The following FGF12 variants were observed in gnomAD, a reference collection of about 807,000 sequenced individuals.
FGF12 encodes the protein fibroblast growth factor 12, also known as fibroblast growth factor 12B.
Under a neutral mutation model 23.6 loss-of-function variants are expected in FGF12, and 14 were observed. The observed-to-expected ratio is 0.59, with a 90% CI of 0.39 to 0.93. The LOEUF is 0.93. Ranked by LOEUF, FGF12 falls within the 40% of genes least tolerant of loss-of-function variation. The pLI is 0.00. For missense variants in FGF12, 175 were observed against 217.8 expected, an observed-to-expected ratio of 0.80 and a Z score of 1.24; for synonymous variants, 62 against 77.3, an observed-to-expected ratio of 0.80 and a Z score of 1.04.
At chr3:192,541,144 A>G (rs966326241) in intron 2 of FGF12, among the ~76,000 whole-genome samples, 6 of 152,110 alleles carry the variant, frequency 3.9e-5, no homozygotes, top group African/African-American at 1.4e-4. Flanking sequence ...TTGATAAGCA[A>G]GGACTTACCC....
intron 2 of FGF12, among the ~76,000 whole-genome samples, chr3:192,394,071 A>G (rs2108764289): frequency 6.6e-6 from 1 of 152,246 alleles, no homozygotes; most frequent in South Asian, 2.1e-4. Context: ...ACATTAACCT[A>G]CCCAGAAATA....
intron 2 of FGF12, among the ~76,000 whole-genome samples, chr3:192,493,371 G>C (rs1299031698): frequency 6.6e-6 from 1 of 152,118 alleles, no homozygotes. Flanking sequence ...TAACTAAGTG[G>C]CCCATAAATT....
intron 2 of FGF12, among the ~76,000 whole-genome samples, chr3:192,686,022 T>C (rs1008531873): frequency 6.6e-6 from 1 of 152,164 alleles, no homozygotes; most frequent in Admixed American, 6.5e-5. Flanking sequence ...CAATCAGGGA[T>C]GTTGTGAAGA....
At chr3:192,371,672 C>T (rs539222504) in intron 2 of FGF12, among the ~76,000 whole-genome samples, 1 of 152,240 alleles carries the variant, frequency 6.6e-6, no homozygotes, top group African/African-American at 2.4e-5. Flanking sequence ...TTAACAAATG[C>T]CAGGCACTTT....
intron 3 of FGF12, among the ~76,000 whole-genome samples, chr3:192,339,146 G>A (rs947819288): frequency 1.3e-5 from 2 of 152,106 alleles, no homozygotes; most frequent in African/African-American, 4.8e-5. Flanking sequence ...ATCAGTAAAC[G>A]ATTTGAAACG....
chr3:192,617,178 A>G (rs1714788734), intron 2 of FGF12, among the ~76,000 whole-genome samples: 1 of 152,092 alleles, frequency 6.6e-6, no homozygotes, highest in Non-Finnish European at 1.5e-5. Flanking sequence ...TCTTGGCACC[A>G]ACTGATTTCT....
At chr3:192,165,270 T>G (rs897619998) in intron 5 of FGF12, among the ~76,000 whole-genome samples, 3 of 151,606 alleles carry the variant, frequency 2.0e-5, no homozygotes, top group Non-Finnish European at 4.4e-5. Context: ...TCTATTTAAA[T>G]GTAAGTTATG....
At chr3:192,592,430 G>C (rs1432786168) in intron 2 of FGF12, among the ~76,000 whole-genome samples, 1 of 151,798 alleles carries the variant, frequency 6.6e-6, no homozygotes, top group Non-Finnish European at 1.5e-5. Context: ...TTTGCAAACT[G>C]TGTCCTCCTG....
chr3:192,253,136 A>T (rs757142339), intron 4 of FGF12, among the ~76,000 whole-genome samples: 1 of 152,096 alleles, frequency 6.6e-6, no homozygotes, highest in Non-Finnish European at 1.5e-5. Context: ...CTGGATGAGG[A>T]GATATGGTTT....
chr3:192,290,088 G>C (rs1468145278), intron 4 of FGF12, among the ~76,000 whole-genome samples: 1 of 152,064 alleles, frequency 6.6e-6, no homozygotes, highest in Non-Finnish European at 1.5e-5. Context: ...AGGGTACAAA[G>C]TTTTAGTTAG....
At chr3:192,537,091 T>G (rs1725241642) in intron 2 of FGF12, among the ~76,000 whole-genome samples, 1 of 152,206 alleles carries the variant, frequency 6.6e-6, no homozygotes, top group African/African-American at 2.4e-5. Context: ...CTTAACAGAA[T>G]GACCTCCAGT....
intron 2 of FGF12, among the ~76,000 whole-genome samples, chr3:192,655,972 A>C (rs4687352): frequency 0.57 from 84,809 of 149,002 alleles, 24,608 homozygotes; most frequent in East Asian, 0.67. Flanking sequence ...CTAGCACTCC[A>C]GACACATGGG....
chr3:192,727,282 C>T lies in FGF12; in HGVS notation c.-89G>A. 2 of 1,552,734 alleles carry T rather than the reference C, an allele frequency of 1.3e-6. No individual in the cohort carries two copies. The highest frequency in any genetic ancestry group is 1.7e-6 in the Non-Finnish European group (2 of 1,147,562). On this transcript the variant is annotated 5_prime_UTR_variant, in exon 2 of 6. Transcript: ENST00000445105. ...AGATTCCCAAATCTGGGAAGCCAAT[C>T]TGATGATTTCGCCCGTACTTCCTTC... is the stretch of plus-strand genomic sequence containing the variant.
chr3:192,155,238 G>A (rs926891928), intron 5 of FGF12, among the ~76,000 whole-genome samples: 11 of 152,186 alleles, frequency 7.2e-5, no homozygotes, highest in African/African-American at 2.2e-4. Context: ...AGATGAACCC[G>A]GTACCTCAGA....
At chr3:192,418,232 A>G (rs1721413350) in intron 2 of FGF12, among the ~76,000 whole-genome samples, 2 of 152,216 alleles carry the variant, frequency 1.3e-5, no homozygotes, top group East Asian at 1.9e-4. Flanking sequence ...AAAAAAGTTA[A>G]TATGTCAATG....
chr3:192,677,842 G>A (rs575373327), intron 2 of FGF12, among the ~76,000 whole-genome samples: 4 of 152,264 alleles, frequency 2.6e-5, no homozygotes, highest in Admixed American at 1.3e-4. Context: ...TAATCCATAC[G>A]TCTGGGGCAG....
intron 2 of FGF12, among the ~76,000 whole-genome samples, chr3:192,539,334 A>T (rs1372331188): frequency 2.6e-5 from 4 of 151,922 alleles, no homozygotes; most frequent in African/African-American, 9.7e-5. Context: ...GATTTTTTTT[A>T]GGGTTTTTGT....
intron 4 of FGF12, among the ~76,000 whole-genome samples, chr3:192,323,961 G>A (rs933658700): frequency 6.6e-6 from 1 of 151,922 alleles, no homozygotes; most frequent in African/African-American, 2.4e-5. Flanking sequence ...GTGTGGTGGT[G>A]TGCACCTGTA....
intron 4 of FGF12, among the ~76,000 whole-genome samples, chr3:192,287,079 A>G (rs1294311600): frequency 6.6e-6 from 1 of 152,034 alleles, no homozygotes; most frequent in Non-Finnish European, 1.5e-5. Context: ...CTAAAATAAG[A>G]AAAATATAGC....
Sources: gnomAD v4.1 joint callset for allele counts (sites outside exome capture counted in the v4.1 genomes callset) on GRCh38, gnomAD v4.1.1 for gene constraint, MANE v1.5 for transcripts, NCBI Gene and HGNC (gene_info 2026-07-23, HGNC 2026-07-21) for gene names.